MAPK10: variants seen among roughly 807,000 people sequenced by gnomAD.
The protein encoded by MAPK10 is JNK3 alpha protein kinase.
A neutral mutation model predicts 59.3 loss-of-function variants in MAPK10; 25 were observed. The observed-to-expected ratio is 0.42, with a 90% CI of 0.31 to 0.59. MAPK10 has a LOEUF of 0.59. Ranked by LOEUF, MAPK10 falls within the 20% of genes least tolerant of loss-of-function variation. MAPK10 has a pLI of 0.15. For missense variants in MAPK10, 351 were observed against 568.9 expected (o/e 0.62, Z 3.90); for synonymous variants, 190 against 200.5 (o/e 0.95, Z 0.44).
At chr4:86,312,219 A>G (rs1036085726) in intron 2 of MAPK10, among the ~76,000 whole-genome samples, 1 of 152,070 alleles carries the variant, frequency 6.6e-6, no homozygotes, top group Non-Finnish European at 1.5e-5. Flanking sequence ...ACATGAAACA[A>G]TTTCTTCTAT....
At chr4:86,569,141 C>A (rs575825719) in intron 1 of MAPK10, among the ~76,000 whole-genome samples, 21 of 151,910 alleles carry the variant, frequency 1.4e-4, no homozygotes, top group Admixed American at 7.9e-4. Flanking sequence ...AGGCAGAGGA[C>A]GTGAACAGAC....
chr4:86,218,562 C>T (rs2088467734), intron 2 of MAPK10, among the ~76,000 whole-genome samples: 1 of 73,418 alleles, frequency 1.4e-5, no homozygotes, highest in Non-Finnish European at 2.5e-5. Flanking sequence ...AATAATAAGA[C>T]TTAAGCAAAA....
chr4:86,189,380 G>A (rs985876131), intron 3 of MAPK10, among the ~76,000 whole-genome samples: 6 of 152,100 alleles, frequency 3.9e-5, no homozygotes, highest in African/African-American at 1.4e-4. Flanking sequence ...CCATGAGCAT[G>A]GTATGTTTTG....
chr4:86,418,158 T>C (rs549684050), intron 1 of MAPK10, among the ~76,000 whole-genome samples: 1 of 152,284 alleles, frequency 6.6e-6, no homozygotes, highest in Admixed American at 6.5e-5. Flanking sequence ...GTACGAACAT[T>C]AAAGGCACAC....
chr4:86,024,630 A>C (rs1010050562), intron 13 of MAPK10: 3 of 152,194 alleles, frequency 2.0e-5, no homozygotes, highest in African/African-American at 7.2e-5. Context: ...GAGTTAACAA[A>C]ACAGTATTGA....
intron 4 of MAPK10, among the ~76,000 whole-genome samples, chr4:86,142,831 T>C (rs910185836): frequency 6.6e-6 from 1 of 152,176 alleles, no homozygotes; most frequent in African/African-American, 2.4e-5. Context: ...TTATAAGAAC[T>C]TCCCTAGTTT....
At position 86,317,638 on chromosome 4, in the gene MAPK10, A is replaced by G. The variant is rs1048638795; in HGVS notation, c.-7+36892T>C. 1.4e-4 allele frequency among the ~76,000 whole-genome samples: 21 copies of G among 152,272 alleles called. No homozygotes were observed. In the East Asian group the frequency reaches 3.5e-3, roughly 25 times the overall value. ...TTACTAATTCTAACATATTAATTCT[A>G]ACATATTAGTGAGCAGGTGCTAAAT... On this transcript the variant is annotated intron_variant, in intron 2 of 13. Coordinates refer to ENST00000641462, the MANE Select transcript of MAPK10 (RefSeq NM_138982.4).
At chr4:86,060,845 T>C (rs959108932) in intron 11 of MAPK10, among the ~76,000 whole-genome samples, 8 of 152,170 alleles carry the variant, frequency 5.3e-5, no homozygotes, top group African/African-American at 1.9e-4. Flanking sequence ...TAGATCATTG[T>C]CATCATTGTT....
intron 2 of MAPK10, among the ~76,000 whole-genome samples, chr4:86,212,199 G>C (rs1298220793): frequency 1.3e-5 from 2 of 152,050 alleles, no homozygotes; most frequent in African/African-American, 4.8e-5. Flanking sequence ...ATCTATGAGA[G>C]ATTTGCTTTA....
intron 7 of MAPK10, 162 bp from the exon 8 acceptor site, chr4:86,101,379 T>C (rs2055359254): frequency 1.9e-6 from 1 of 532,318 alleles, no homozygotes; most frequent in Non-Finnish European, 3.3e-6. Context: ...ATAAGTTAAC[T>C]ATTAGTTTTT....
intron 2 of MAPK10, among the ~76,000 whole-genome samples, chr4:86,204,526 T>G (rs1342388082): frequency 6.6e-6 from 1 of 151,940 alleles, no homozygotes; most frequent in Admixed American, 6.6e-5. Flanking sequence ...AATACTATAA[T>G]GATCCAGTAA....
intron 2 of MAPK10, 67 bp from the exon 3 acceptor site, chr4:86,194,474 T>C: frequency 1.0e-6 from 1 of 953,246 alleles, no homozygotes; most frequent in South Asian, 1.3e-5. Context: ...ACAATATAGA[T>C]TTTGGCATAA....
intron 1 of MAPK10, among the ~76,000 whole-genome samples, chr4:86,369,556 A>G (rs1486832900): frequency 6.6e-6 from 1 of 152,186 alleles, no homozygotes; most frequent in Non-Finnish European, 1.5e-5. Flanking sequence ...GCATAAATTT[A>G]TATGTGTAGC....
chr4:86,082,068 A>G (rs1403441499), intron 9 of MAPK10: 1 of 152,160 alleles, frequency 6.6e-6, no homozygotes, highest in Non-Finnish European at 1.5e-5. Flanking sequence ...CAAGATAACG[A>G]TGACAGTATG....
rs374270958 is a variant in MAPK10, at chr4:86,115,158, G to A, written c.237-7806C>T. 7.2e-5 allele frequency among the ~76,000 whole-genome samples: 11 copies of A among 152,328 alleles called. No homozygotes were observed. The East Asian group carries it at 2.1e-3, about 29-fold the overall frequency. ...AGCAGGTGGCACAGCTCTGTGCCTG[G>A]AACCAAAGGCCTTGGTGATGTGGGC... On this transcript the variant is annotated intron_variant, in intron 4 of 13. Transcript: ENST00000641462.
At chr4:86,323,610 C>G (rs192202395) in intron 2 of MAPK10, among the ~76,000 whole-genome samples, 627 of 152,290 alleles carry the variant, frequency 4.1e-3, no homozygotes, top group Non-Finnish European at 5.8e-3. Flanking sequence ...CCAGAGATGA[C>G]TGTAATTAGA....
chr4:86,537,004 T>C (rs1758295080), intron 1 of MAPK10, among the ~76,000 whole-genome samples: 1 of 152,046 alleles, frequency 6.6e-6, no homozygotes, highest in African/African-American at 2.4e-5. Flanking sequence ...CTAGCATAGA[T>C]GTTGGAAGCT....
At chr4:86,171,867 A>C (rs1466111720) in intron 3 of MAPK10, among the ~76,000 whole-genome samples, 5 of 151,224 alleles carry the variant, frequency 3.3e-5, no homozygotes, top group African/African-American at 9.9e-5. Flanking sequence ...CAATGAACTC[A>C]AACAAATTTA....
rs79195205 is a variant in MAPK10, at chr4:86,575,998, C to T, written c.-263+17912G>A. ...CATAACATAATATTGTGTGTGTATGCGTGTGTGTGTGTGTGTGTGTGTGTA... is the reference window on the plus strand; with the variant it reads ...CATAACATAATATTGTGTGTGTATGTGTGTGTGTGTGTGTGTGTGTGTGTA... On this transcript the variant is annotated intron_variant, in intron 1 of 4. Coordinates refer to the MAPK10 transcript ENST00000502302. 2.3e-3 allele frequency among the ~76,000 whole-genome samples: 338 copies of T among 147,356 alleles called. 2 individuals are homozygous for T. Among genetic ancestry groups the T allele is most frequent in the African/African-American group, 7.4e-3 (298 of 40,094 alleles).
Sources: gnomAD v4.1 joint callset for allele counts (sites outside exome capture counted in the v4.1 genomes callset) on GRCh38, gnomAD v4.1.1 for gene constraint, MANE v1.5 for transcripts, NCBI Gene and HGNC (gene_info 2026-07-23, HGNC 2026-07-21) for gene names.